MARCHF8: variants seen among roughly 807,000 people sequenced by gnomAD.
MARCHF8 encodes the protein E3 ubiquitin-protein ligase MARCHF8.
A neutral mutation model predicts 51.6 loss-of-function variants in MARCHF8; 40 were observed. The ratio of observed to expected loss-of-function variants is 0.77; its 90% CI spans 0.60 to 1.01. The LOEUF is 1.01. MARCHF8 is among the 50% of genes least tolerant of loss of function. The probability of loss-of-function intolerance (pLI) is 0.00; values close to 1 mark genes in which losing one functional copy is unlikely to be tolerated. For synonymous variants in MARCHF8, 263 were observed against 280.3 expected, an observed-to-expected ratio of 0.94 and a Z score of 0.62; for missense variants, 685 against 708.6, an observed-to-expected ratio of 0.97 and a Z score of 0.38.
chr10:45,511,813 C>A (rs2043514040), intron 2 of MARCHF8, among the ~76,000 whole-genome samples: 1 of 152,106 alleles, frequency 6.6e-6, no homozygotes, highest in South Asian at 2.1e-4. Flanking sequence ...AGATTGCAGC[C>A]TCTGCCCGGC....
intron 2 of MARCHF8, among the ~76,000 whole-genome samples, chr10:45,491,587 A>T (rs1407319726): frequency 6.6e-6 from 1 of 152,184 alleles, no homozygotes; most frequent in Non-Finnish European, 1.5e-5. Flanking sequence ...AATTTAATTC[A>T]ATCATATTAT....
chr10:45,576,974 G>GAAAAAAAA (rs58593536), intron 1 of MARCHF8, among the ~76,000 whole-genome samples: 42 of 120,204 alleles, frequency 3.5e-4, no homozygotes, highest in East Asian at 5.8e-4. Context: ...AAAGAGAAAA[G>GAAAAAAAA]AAAAAAAAAA....
At chr10:45,481,723 T>G (rs988327794) in intron 3 of MARCHF8, among the ~76,000 whole-genome samples, 1 of 152,168 alleles carries the variant, frequency 6.6e-6, no homozygotes, top group African/African-American at 2.4e-5. Flanking sequence ...TCTTTAAAAA[T>G]TACCCAGTCT....
intron 3 of MARCHF8, among the ~76,000 whole-genome samples, chr10:45,478,968 AG>A (rs939960998): frequency 1.3e-5 from 2 of 152,230 alleles, no homozygotes; most frequent in African/African-American, 4.8e-5. Context: ...AAAAAACTGA[AG>A]AAGAGAGAAT....
chr10:45,593,277 C>T (rs541708795), intron 1 of MARCHF8, among the ~76,000 whole-genome samples: 100 of 152,134 alleles, frequency 6.6e-4, no homozygotes, highest in African/African-American at 2.3e-3. Context: ...CTCTTAAAAC[C>T]CTAGTCTCCA....
chr10:45,562,094 A>G (rs2044317544), intron 1 of MARCHF8, among the ~76,000 whole-genome samples: 1 of 152,132 alleles, frequency 6.6e-6, no homozygotes, highest in Non-Finnish European at 1.5e-5. Flanking sequence ...CCAAATTGGA[A>G]TAAATTACTC....
At chr10:45,548,646 C>T (rs1589168333) in intron 1 of MARCHF8, among the ~76,000 whole-genome samples, 1 of 152,162 alleles carries the variant, frequency 6.6e-6, no homozygotes, top group African/African-American at 2.4e-5. Flanking sequence ...CATTTCACGT[C>T]TGAGAAACAG....
intron 2 of MARCHF8, among the ~76,000 whole-genome samples, chr10:45,517,367 A>G (rs953515426): frequency 7.2e-5 from 11 of 152,168 alleles, no homozygotes; most frequent in East Asian, 1.9e-4. Flanking sequence ...TTAATTGCCA[A>G]TGTTGGAGGT....
chr10:45,494,838 G>C (rs2043143229), intron 2 of MARCHF8, among the ~76,000 whole-genome samples: 1 of 152,116 alleles, frequency 6.6e-6, no homozygotes, highest in Non-Finnish European at 1.5e-5. Context: ...AAATGATTAA[G>C]GGCCAAGCGT....
intron 2 of MARCHF8, among the ~76,000 whole-genome samples, chr10:45,499,128 A>G (rs1390226969): frequency 1.3e-5 from 2 of 152,214 alleles, no homozygotes; most frequent in African/African-American, 4.8e-5. Flanking sequence ...TTTAAAATAT[A>G]TATAACAGCC....
chr10:45,542,240 G>C (rs1589164179), intron 1 of MARCHF8, among the ~76,000 whole-genome samples: 1 of 150,110 alleles, frequency 6.7e-6, no homozygotes, highest in East Asian at 2.0e-4. Context: ...CCAGCTACTT[G>C]GTAGGCTGAG....
At position 45,584,126 on chromosome 10, in the gene MARCHF8, CATATATATATATATATATAT is replaced by C. The variant is rs55978063; in HGVS notation, c.-79+10089_-79+10108del. 2.8e-3 allele frequency among the ~76,000 whole-genome samples: 235 copies of C among 85,360 alleles called. 4 individuals carry two copies. Among genetic ancestry groups the C allele is most frequent in the Middle Eastern group, 0.015 (2 of 130 alleles). The allele number at this position is 85,360 out of a possible 152,430, so 56.0% of individuals were successfully genotyped here. A position where few individuals can be genotyped will look rare whatever the true frequency, so the allele number is the denominator to read the frequency against. Reference sequence around the variant, plus strand: ...TAGATTCTACCAACATATATACAATCATATATATATATATATATATATATATATATATATATATATATCAA... The same window carrying C: ...TAGATTCTACCAACATATATACAATCATATATATATATATATATATATCAA... On this transcript the variant is annotated intron_variant, in intron 1 of 6. Transcript: ENST00000319836.
chr10:45,481,743 G>A (rs966705354), intron 3 of MARCHF8, among the ~76,000 whole-genome samples: 1 of 152,158 alleles, frequency 6.6e-6, no homozygotes, highest in Admixed American at 6.5e-5. Context: ...TCAGGTATGT[G>A]TTTATCAGCA....
At chr10:45,547,195 T>C (rs1283916418) in intron 1 of MARCHF8, among the ~76,000 whole-genome samples, 6 of 152,138 alleles carry the variant, frequency 3.9e-5, no homozygotes, top group Non-Finnish European at 1.5e-5. Context: ...AGATAAAGTA[T>C]ATGAAGAAAC....
intron 6 of MARCHF8, chr10:45,459,782 C>T (rs886140872): frequency 1.9e-5 from 19 of 985,308 alleles, no homozygotes; most frequent in African/African-American, 1.6e-4. Context: ...TCGAAATCGA[C>T]GCTAAGAGTT....
intron 3 of MARCHF8, among the ~76,000 whole-genome samples, chr10:45,482,166 G>A (rs1021181374): frequency 2.0e-5 from 3 of 152,046 alleles, no homozygotes; most frequent in African/African-American, 7.3e-5. Flanking sequence ...AGCTGAAGAG[G>A]ACACGAACAA....
chr10:45,550,678 A>G (rs2044185149), intron 1 of MARCHF8, among the ~76,000 whole-genome samples: 1 of 151,738 alleles, frequency 6.6e-6, no homozygotes, highest in South Asian at 2.1e-4. Context: ...ACCCCTGTAC[A>G]TGCCATGTAC....
chr10:45,550,391 T>C (rs140071332), intron 1 of MARCHF8, among the ~76,000 whole-genome samples: 54 of 152,316 alleles, frequency 3.5e-4, no homozygotes, highest in African/African-American at 1.3e-3. Flanking sequence ...GAAGAAACTG[T>C]GGCCAAAGTT....
intron 2 of MARCHF8, among the ~76,000 whole-genome samples, chr10:45,495,859 A>T (rs1016493219): frequency 6.6e-6 from 1 of 152,040 alleles, no homozygotes; most frequent in Admixed American, 6.5e-5. Context: ...AAAAGAGAAG[A>T]AGAGAAGAGA....
Sources: gnomAD v4.1 joint callset for allele counts (sites outside exome capture counted in the v4.1 genomes callset) on GRCh38, gnomAD v4.1.1 for gene constraint, MANE v1.5 for transcripts, NCBI Gene and HGNC (gene_info 2026-07-23, HGNC 2026-07-21) for gene names.